TIFAB: variants seen among roughly 807,000 people sequenced by gnomAD.
The protein encoded by TIFAB is TRAF-interacting protein with FHA domain-containing protein B.
For synonymous variants in TIFAB, 116 were observed against 95.2 expected, an observed-to-expected ratio of 1.22 and a Z score of -1.27; for missense variants, 222 against 203.6, an observed-to-expected ratio of 1.09 and a Z score of -0.55.
intron 1 of TIFAB, chr5:135,450,698 CCAT>C (rs1769348782): frequency 6.6e-6 from 1 of 152,262 alleles, no homozygotes; most frequent in Non-Finnish European, 1.5e-5. Flanking sequence ...CCAGGACCTG[CCAT>C]CATCTTCAAC....
chr5:135,451,666 T>A (rs1190372098), intron 1 of TIFAB, among the ~76,000 whole-genome samples: 1 of 152,082 alleles, frequency 6.6e-6, no homozygotes, highest in Non-Finnish European at 1.5e-5. Context: ...GTATTTTCAG[T>A]AGAGACGGGG....
Position 135,447,291 on chromosome 5 carries a change from G to T in TIFAB, c.*2163C>A, listed in dbSNP as rs115965482. 1,931 of 709,334 alleles carry T rather than the reference G, an allele frequency of 2.7e-3. 35 individuals carry two copies. The African/African-American group carries it at 0.029, about 11-fold the overall frequency. 43.9% of individuals were successfully genotyped at this position (709,334 alleles called of 1,614,324 possible). Reference sequence around the variant, plus strand: ...CTCCCTGTTGCCTACCAGGTCCGTGGCTACAACTAAATCCCTAGTTGGGGA... The same window carrying T: ...CTCCCTGTTGCCTACCAGGTCCGTGTCTACAACTAAATCCCTAGTTGGGGA... On this transcript the variant is annotated 3_prime_UTR_variant, in exon 2 of 2. Transcript: ENST00000537858.
rs922362633 is a variant in TIFAB at position 135,449,883 on chromosome 5, T to C, written c.57A>G (p.Pro19=). ...GTGGTGGGACATTGGCAAAGGCAGA[T>C]GGGCCCAGCGTGGGATGGTACAGGC... is the stretch of plus-strand genomic sequence containing the variant. ...RVSLYHPTLG[P]SAFANVPPRL... is the part of the protein sequence containing the mutation. Residue 19 remains proline, a synonymous_variant, in exon 2 of 2, where the codon CCA becomes CCG. Transcript: ENST00000537858. 2.5e-5 allele frequency: 39 copies of C among 1,571,438 alleles called. No homozygotes were observed. The highest frequency in any genetic ancestry group is 3.4e-4 in the Middle Eastern group (2 of 5,866).
intron 1 of TIFAB, among the ~76,000 whole-genome samples, chr5:135,451,485 C>CT (rs572037192): frequency 0.14 from 19,957 of 142,178 alleles, 1,611 homozygotes; most frequent in South Asian, 0.22. Context: ...TCTTTTTTTT[C>CT]TTTTTTTTTT....
chr5:135,449,626 AC>A lies in TIFAB; in HGVS notation c.313del (p.Val105SerfsTer12). Reference sequence around the variant, plus strand: ...CAGCATCTGGATGCCTGAGAAGGAGACCCTGTTGACGGTGCTCAGGGGGACC... The same window carrying A: ...CAGCATCTGGATGCCTGAGAAGGAGACCTGTTGACGGTGCTCAGGGGGACC... ...EQVPLSTVNR[V>X]SFSGIQMLVR... On this transcript the variant is annotated frameshift_variant, in exon 2 of 2. Coordinates refer to ENST00000537858, the MANE Select transcript of TIFAB (RefSeq NM_001099221.2). LOFTEE classifies it low-confidence loss of function (END_TRUNC). 8.7e-6 allele frequency: 14 copies of A among 1,614,094 alleles called. No homozygotes were observed. The highest frequency in any genetic ancestry group is 1.2e-5 in the Non-Finnish European group (14 of 1,180,036).
Position 135,446,679 on chromosome 5 carries a change from G to A in TIFAB, c.*2775C>T. 1 of 1,613,922 alleles carries A rather than the reference G, an allele frequency of 6.2e-7. No individual in the cohort carries two copies. The highest frequency in any genetic ancestry group is 8.5e-7 in the Non-Finnish European group (1 of 1,179,806). ...TGTGAGTTTCCCGGTGAGACTGTGTGAACTGTGAACGGGTAGAGTCTGAAA... is the reference window on the plus strand; with the variant it reads ...TGTGAGTTTCCCGGTGAGACTGTGTAAACTGTGAACGGGTAGAGTCTGAAA... On this transcript the variant is annotated 3_prime_UTR_variant, in exon 2 of 2. Coordinates refer to ENST00000537858, the MANE Select transcript of TIFAB (RefSeq NM_001099221.2).
At position 135,447,655 on chromosome 5, in the gene TIFAB, A is replaced by G. The variant is rs1769295406; in HGVS notation, c.*1799T>C. ...CAAGTCTCAGTTTCCTTATCTGTTA[A>G]GTGCAGTTAATACACACAGCACCTA... On this transcript the variant is annotated 3_prime_UTR_variant, in exon 2 of 2. Coordinates refer to ENST00000537858, the MANE Select transcript of TIFAB (RefSeq NM_001099221.2). The G allele has an allele frequency of 6.0e-6, 1 of 166,286 alleles. No homozygotes were observed. Among genetic ancestry groups the G allele is most frequent in the African/African-American group, 2.4e-5 (1 of 41,480 alleles). 10.3% of individuals were successfully genotyped at this position (166,286 alleles called of 1,614,324 possible). A position where few individuals can be genotyped will look rare whatever the true frequency, so the allele number is the denominator to read the frequency against.
At position 135,447,227 on chromosome 5, in the gene TIFAB, C is replaced by T. The variant is rs372338470; in HGVS notation, c.*2227G>A. On this transcript the variant is annotated 3_prime_UTR_variant, in exon 2 of 2. Transcript: ENST00000537858. ...GCATCTCCCATTATACTAACCCTGC[C>T]TATTGGACCTTCTGATGCAAGGAGC... 17 of 1,225,170 alleles carry T rather than the reference C, an allele frequency of 1.4e-5. No homozygotes were observed. The East Asian group carries it at 2.4e-4, about 17-fold the overall frequency. 75.9% of individuals were successfully genotyped at this position (1,225,170 alleles called of 1,614,324 possible). A position where few individuals can be genotyped will look rare whatever the true frequency, so the allele number is the denominator to read the frequency against.
In TIFAB at chr5:135,445,510, C is replaced by T. The variant is rs1472314115; in HGVS notation, c.*3944G>A. 6.6e-6 allele frequency: 1 copy of T among 152,392 alleles called. No individual in the cohort carries two copies. 9.4% of individuals were successfully genotyped at this position (152,392 alleles called of 1,614,324 possible). ...ACTGCCCATGCCGGGCCTGAGGGGCCTGGCTCAGACTTTAGTATCCAAGGG... is the reference window on the plus strand; with the variant it reads ...ACTGCCCATGCCGGGCCTGAGGGGCTTGGCTCAGACTTTAGTATCCAAGGG... On this transcript the variant is annotated 3_prime_UTR_variant, in exon 2 of 2. Coordinates refer to ENST00000537858, the MANE Select transcript of TIFAB (RefSeq NM_001099221.2).
rs1769322119 is a variant in TIFAB at position 135,449,119 on chromosome 5, C to A, written c.*335G>T. On this transcript the variant is annotated 3_prime_UTR_variant, in exon 2 of 2. Coordinates refer to ENST00000537858, the MANE Select transcript of TIFAB (RefSeq NM_001099221.2). ...AGAGGCTCCCCAGAACCCCTCAGGGCCTCTAAAAGTATATGATGTTCCCAT... is the reference window on the plus strand; with the variant it reads ...AGAGGCTCCCCAGAACCCCTCAGGGACTCTAAAAGTATATGATGTTCCCAT... 3.3e-6 allele frequency: 1 copy of A among 305,312 alleles called. No homozygotes were observed. The highest frequency in any genetic ancestry group is 6.2e-6 in the Non-Finnish European group (1 of 160,602). The allele number at this position is 305,312 out of a possible 1,614,324, so 18.9% of individuals were successfully genotyped here.
At position 135,449,417 on chromosome 5, in the gene TIFAB, G is replaced by C. The variant is rs1488602437; in HGVS notation, c.*37C>G. ...CTGGAGAGGGCTGTCCCAAGTCTGG[G>C]AAGGGCCGTGGAGAAACCCCAGGCA... On this transcript the variant is annotated 3_prime_UTR_variant, in exon 2 of 2. Transcript: ENST00000537858. 1.9e-6 allele frequency: 3 copies of C among 1,604,236 alleles called. No homozygotes were observed. The highest frequency in any genetic ancestry group is 2.1e-4 in the Middle Eastern group (1 of 4,682).
rs200179395 is a variant in TIFAB at position 135,449,501 on chromosome 5, C to T, written c.439G>A (p.Glu147Lys). 2.5e-6 allele frequency: 4 copies of T among 1,614,042 alleles called. No homozygotes were observed. The highest frequency in any genetic ancestry group is 2.2e-5 in the East Asian group (1 of 44,884). ...IYRPEAEETD[E>K]WEGISQGQPP... ...TGCCCCTGGGAGATGCCTTCCCATT[C>T]GTCAGTTTCCTCAGCCTCAGGTCTG... The change falls in exon 2 of 2, where the codon GAA (glutamate) becomes AAA (lysine). Residue 147 changes from glutamate to lysine, a missense_variant. By Grantham distance (56) the Glu-to-Lys change is moderately conservative. Coordinates refer to ENST00000537858, the MANE Select transcript of TIFAB (RefSeq NM_001099221.2).
chr5:135,447,026 C>G lies in TIFAB; in HGVS notation c.*2428G>C, dbSNP rs754384816. The G allele has an allele frequency of 1.9e-6, 3 of 1,613,958 alleles. No homozygotes were observed. The highest frequency in any genetic ancestry group is 2.5e-6 in the Non-Finnish European group (3 of 1,179,868). ...CTCTGGGGTTTCCCCACCAGCTCCTCTCTCCAGTCTTTGGTGTCCAGGTAC... is the reference window on the plus strand; with the variant it reads ...CTCTGGGGTTTCCCCACCAGCTCCTGTCTCCAGTCTTTGGTGTCCAGGTAC... On this transcript the variant is annotated 3_prime_UTR_variant, in exon 2 of 2. Coordinates refer to ENST00000537858, the MANE Select transcript of TIFAB (RefSeq NM_001099221.2).
In TIFAB at chr5:135,446,028, A is replaced by C. The variant is rs937451621; in HGVS notation, c.*3426T>G. 2 of 201,914 alleles carry C rather than the reference A, an allele frequency of 9.9e-6. No individual in the cohort carries two copies. The highest frequency in any genetic ancestry group is 1.1e-4 in the South Asian group (1 of 8,744). 12.5% of individuals were successfully genotyped at this position (201,914 alleles called of 1,614,324 possible). On this transcript the variant is annotated 3_prime_UTR_variant, in exon 2 of 2. Coordinates refer to ENST00000537858, the MANE Select transcript of TIFAB (RefSeq NM_001099221.2). ...GTGTAGACTGGGTCCATGTGCCTACATGCATTCAGTTCCTCCCACCAAACT... is the reference window on the plus strand; with the variant it reads ...GTGTAGACTGGGTCCATGTGCCTACCTGCATTCAGTTCCTCCCACCAAACT...
In TIFAB at chr5:135,447,071, C is replaced by T. The variant is rs1230083925; in HGVS notation, c.*2383G>A. The T allele has an allele frequency of 6.2e-7, 1 of 1,614,050 alleles. No homozygotes were observed. ...AGGTACAGTCTCCAGGCCGTGGCTT[C>T]TCGAGTTCTGTATGTGGGTTGCTGC... is the stretch of plus-strand genomic sequence containing the variant. On this transcript the variant is annotated 3_prime_UTR_variant, in exon 2 of 2. Transcript: ENST00000537858.
chr5:135,447,201 G>A lies in TIFAB; in HGVS notation c.*2253C>T, dbSNP rs1319240957. On this transcript the variant is annotated 3_prime_UTR_variant, in exon 2 of 2. Transcript: ENST00000537858. ...TTCTTCTCCTTGCCAGCCCTACCAGGGCATCTCCCATTATACTAACCCTGC... is the reference window on the plus strand; with the variant it reads ...TTCTTCTCCTTGCCAGCCCTACCAGAGCATCTCCCATTATACTAACCCTGC... 9 of 1,513,950 alleles carry A rather than the reference G, an allele frequency of 5.9e-6. No homozygotes were observed. Among genetic ancestry groups the A allele is most frequent in the African/African-American group, 1.4e-5 (1 of 72,764 alleles). The allele number at this position is 1,513,950 out of a possible 1,614,324, so 93.8% of individuals were successfully genotyped here. A position where few individuals can be genotyped will look rare whatever the true frequency, so the allele number is the denominator to read the frequency against.
chr5:135,446,903 G>A lies in TIFAB; in HGVS notation c.*2551C>T, dbSNP rs1335420457. On this transcript the variant is annotated 3_prime_UTR_variant, in exon 2 of 2. Coordinates refer to ENST00000537858, the MANE Select transcript of TIFAB (RefSeq NM_001099221.2). ...TGGCAAGGTTTTGTTCCTCCCTGGAGGGTAGAGACCCTCACTGAGGCCCTG... is the reference window on the plus strand; with the variant it reads ...TGGCAAGGTTTTGTTCCTCCCTGGAAGGTAGAGACCCTCACTGAGGCCCTG... 6.2e-7 allele frequency: 1 copy of A among 1,613,556 alleles called. No individual in the cohort carries two copies.
chr5:135,446,936 G>T lies in TIFAB; in HGVS notation c.*2518C>A. The T allele has an allele frequency of 1.9e-6, 3 of 1,612,800 alleles. No individual in the cohort carries two copies. The highest frequency in any genetic ancestry group is 2.5e-6 in the Non-Finnish European group (3 of 1,179,306). ...ACCCTCACTGAGGCCCTGGAGAGGG[G>T]CACTCAGGGGCAGCAGCTCATTCCC... On this transcript the variant is annotated 3_prime_UTR_variant, in exon 2 of 2. Transcript: ENST00000537858.
chr5:135,449,055 C>T lies in TIFAB; in HGVS notation c.*399G>A, dbSNP rs1461885297. ...CAAAATGAACCACATAAAGTAACTCCTAGTCAGACAACAGGGAGAAATGTG... is the reference window on the plus strand; with the variant it reads ...CAAAATGAACCACATAAAGTAACTCTTAGTCAGACAACAGGGAGAAATGTG... On this transcript the variant is annotated 3_prime_UTR_variant, in exon 2 of 2. Coordinates refer to ENST00000537858, the MANE Select transcript of TIFAB (RefSeq NM_001099221.2). 9.3e-6 allele frequency: 2 copies of T among 215,620 alleles called. No individual in the cohort carries two copies. The highest frequency in any genetic ancestry group is 9.6e-5 in the South Asian group (1 of 10,366). 13.4% of individuals were successfully genotyped at this position (215,620 alleles called of 1,614,324 possible). A position where few individuals can be genotyped will look rare whatever the true frequency, so the allele number is the denominator to read the frequency against.
Sources: allele counts gnomAD v4.1 joint callset (sites outside exome capture counted in the v4.1 genomes callset), GRCh38; gene constraint gnomAD v4.1.1; transcripts MANE v1.5; gene names NCBI Gene and HGNC (gene_info 2026-07-23, HGNC 2026-07-21).